PPHLN1: variants seen among roughly 807,000 people sequenced by gnomAD.
The protein encoded by PPHLN1 is periphilin-1.
A neutral mutation model predicts 51.3 loss-of-function variants in PPHLN1; 29 were observed. That is an observed-to-expected ratio of 0.57 (90% confidence interval 0.42 to 0.77). The LOEUF (loss-of-function observed/expected upper bound fraction) is 0.77. Ranked by LOEUF, PPHLN1 falls within the 30% of genes least tolerant of loss-of-function variation. The pLI is 0.00. For synonymous variants in PPHLN1, 147 were observed against 147.8 expected (o/e 0.99, Z 0.04); for missense variants, 436 against 438.4 (o/e 0.99, Z 0.05).
chr12:42,422,204 T>G (rs893391096), intron 9 of PPHLN1, among the ~76,000 whole-genome samples: 1 of 152,212 alleles, frequency 6.6e-6, no homozygotes, highest in East Asian at 1.9e-4. Flanking sequence ...AAACCATAAA[T>G]AATAATTTCT....
intron 4 of PPHLN1, among the ~76,000 whole-genome samples, chr12:42,361,008 G>T (rs1026155964): frequency 6.6e-6 from 1 of 152,138 alleles, no homozygotes; most frequent in Non-Finnish European, 1.5e-5. Flanking sequence ...ATCCACTGAT[G>T]GTTTTGCCTG....
At chr12:42,379,379 A>G (rs1310673346) in intron 5 of PPHLN1, among the ~76,000 whole-genome samples, 1 of 152,052 alleles carries the variant, frequency 6.6e-6, no homozygotes, top group Non-Finnish European at 1.5e-5. Context: ...AGAGCCATAT[A>G]TAAAGATATT....
At chr12:42,388,143 T>C (rs2077352543) in intron 7 of PPHLN1, among the ~76,000 whole-genome samples, 1 of 151,956 alleles carries the variant, frequency 6.6e-6, no homozygotes, top group Non-Finnish European at 1.5e-5. Flanking sequence ...CCGTAAAGGG[T>C]CTGTGCTGAG....
chr12:42,424,971 G>C (rs2081303596), intron 9 of PPHLN1, among the ~76,000 whole-genome samples: 1 of 152,036 alleles, frequency 6.6e-6, no homozygotes, highest in Admixed American at 6.5e-5. Context: ...AGTAACAAAA[G>C]TAACTTCTAC....
chr12:42,439,360 C>T (rs1389991433), intron 9 of PPHLN1, among the ~76,000 whole-genome samples: 1 of 152,244 alleles, frequency 6.6e-6, no homozygotes, highest in African/African-American at 2.4e-5. Flanking sequence ...CATTGAATTA[C>T]TTCTGTGCTC....
chr12:42,350,102 C>CG (rs1174276497), intron 2 of PPHLN1: 10 of 150,282 alleles, frequency 6.7e-5, no homozygotes, highest in African/African-American at 2.2e-4. Flanking sequence ...GGGCGGCTGC[C>CG]GGGCGGGGGC....
At chr12:42,426,228 A>ACACACACACACACACACCCCC (rs371819974) in intron 9 of PPHLN1, among the ~76,000 whole-genome samples, 2 of 129,788 alleles carry the variant, frequency 1.5e-5, no homozygotes, top group African/African-American at 6.6e-5. Context: ...ACACACACAC[A>ACACACACACACACACACCCCC]CCCTCATGCA....
At chr12:42,332,675 G>A (rs369477594) in intron 1 of PPHLN1, 19 of 1,578,318 alleles carry the variant, frequency 1.2e-5, no homozygotes, top group South Asian at 4.4e-5. Context: ...TGTTGAAAAC[G>A]TTAAATTTGA....
intron 4 of PPHLN1, among the ~76,000 whole-genome samples, chr12:42,370,061 A>G (rs538196053): frequency 6.6e-6 from 1 of 152,262 alleles, no homozygotes; most frequent in African/African-American, 2.4e-5. Flanking sequence ...GTTATCATGA[A>G]CTCTGAATTT....
At chr12:42,375,190 A>G (rs1291417095) in intron 5 of PPHLN1, 116 bp downstream of exon 5, 1 of 825,874 alleles carries the variant, frequency 1.2e-6, no homozygotes, top group Non-Finnish European at 1.8e-6. Context: ...TATTTTGAAA[A>G]ATTTCAAACT....
At chr12:42,371,188 A>G (rs1167848573) in intron 4 of PPHLN1, among the ~76,000 whole-genome samples, 1 of 131,784 alleles carries the variant, frequency 7.6e-6, no homozygotes, top group Admixed American at 8.8e-5. Flanking sequence ...TGGCACGATC[A>G]TGGCTCACGG....
At position 42,438,980 on chromosome 12, in the gene PPHLN1, C is replaced by T. The variant is rs544292793; in HGVS notation, c.910-2335C>T. ...ATACGTGTTTTGCAAAGATTTTCTC[C>T]GAGTCTGTAGCTTGTTTGTTCATGC... On this transcript the variant is annotated intron_variant, in intron 9 of 9. Transcript: ENST00000358314. Among the ~76,000 whole-genome samples the T allele has an allele frequency of 7.9e-5, 12 of 152,268 alleles. 1 individual carries two copies. In the South Asian group the frequency reaches 1.2e-3, roughly 16 times the overall value.
chr12:42,357,946 C>G (rs2074226349), intron 4 of PPHLN1, among the ~76,000 whole-genome samples: 1 of 152,154 alleles, frequency 6.6e-6, no homozygotes, highest in South Asian at 2.1e-4. Context: ...TATTTAGCTT[C>G]CACTTATTAG....
chr12:42,446,327 C>G (rs771853745), downstream of PPHLN1: 7 of 1,541,288 alleles, frequency 4.5e-6, no homozygotes, highest in Admixed American at 7.7e-5. Flanking sequence ...TTGCCTGTTA[C>G]CCGTACCTAC....
chr12:42,388,225 G>A, intron 7 of PPHLN1, among the ~76,000 whole-genome samples: 1 of 152,158 alleles, frequency 6.6e-6, no homozygotes, highest in Admixed American at 6.5e-5. Flanking sequence ...CCTGCCCTGG[G>A]AACTGAATGT....
rs144485658 is a variant in PPHLN1, at chr12:42,384,948, C to A, written c.520C>A (p.Arg174Ser). The A allele has an allele frequency of 2.0e-5, 32 of 1,609,872 alleles. No individual in the cohort carries two copies. Among genetic ancestry groups the A allele is most frequent in the Admixed American group, 3.3e-5 (2 of 59,980 alleles). The change falls in exon 6 of 10, where the codon CGT becomes AGT. Residue 174 changes from arginine (R) to serine (S), a missense_variant. Physicochemically the swap from Arg to Ser is moderately radical, Grantham distance 110 (BLOSUM62 -1). Coordinates refer to ENST00000358314, the MANE Select transcript of PPHLN1 (RefSeq NM_201439.2). Reference protein sequence around the residue: ...FHQSQHRKSVRPGASYKRQNE... With the variant: ...FHQSQHRKSVSPGASYKRQNE... The stretch of plus-strand genomic sequence containing the variant: ...TGCCCACCTTTCCATAGAGTCCGTG[C>A]GTCCTGGTGCCTCCTACAAACGGCA...
downstream of PPHLN1, chr12:42,446,050 G>A: frequency 6.5e-7 from 1 of 1,549,468 alleles, no homozygotes; most frequent in South Asian, 1.2e-5. Flanking sequence ...CAGAAATGAA[G>A]GAAACGACCC....
intron 3 of PPHLN1, among the ~76,000 whole-genome samples, chr12:42,354,012 T>C (rs536321857): frequency 1.3e-5 from 2 of 152,308 alleles, no homozygotes; most frequent in South Asian, 2.1e-4. Flanking sequence ...AGTTCAGTTA[T>C]GTAATGCAGA....
At chr12:42,416,187 C>T (rs1337642628) in intron 9 of PPHLN1, among the ~76,000 whole-genome samples, 2 of 152,156 alleles carry the variant, frequency 1.3e-5, no homozygotes, top group East Asian at 1.9e-4. Flanking sequence ...GTACAAATCT[C>T]GCCTCCTGTA....
Sources: allele counts gnomAD v4.1 joint callset (sites outside exome capture counted in the v4.1 genomes callset), GRCh38; gene constraint gnomAD v4.1.1; transcripts MANE v1.5; gene names NCBI Gene and HGNC (gene_info 2026-07-23, HGNC 2026-07-21).